The following KLC1 variants were observed in gnomAD, a reference collection of about 807,000 sequenced individuals.
KLC1 encodes kinesin 2 60/70kDa.
KLC1 carries 30 observed loss-of-function variants against 84.2 expected under a neutral mutation model. That is an observed-to-expected ratio of 0.36 (90% CI 0.27 to 0.48). KLC1 has a LOEUF of 0.48. KLC1 is among the 20% of genes least tolerant of loss of function. The pLI is 0.99. For missense variants in KLC1, 499 were observed against 805.4 expected (o/e 0.62, Z 4.60); for synonymous variants, 289 against 293.3 (o/e 0.99, Z 0.15).
intron 14 of KLC1, among the ~76,000 whole-genome samples, chr14:103,690,478 T>C (rs559514681): frequency 2.3e-4 from 35 of 152,350 alleles, no homozygotes; most frequent in Non-Finnish European, 4.6e-4. Flanking sequence ...CCAGGCGCTG[T>C]GCTCACAGCA....
chr14:103,677,550 G>T (rs1161496376), intron 12 of KLC1, 27 bp downstream of exon 12: 1 of 1,372,284 alleles, frequency 7.3e-7, no homozygotes, highest in African/African-American at 1.4e-5. Context: ...TCCTTAACCG[G>T]CCCATGGGAA....
At chr14:103,699,111 C>T in intron 15 of KLC1, 3 of 1,571,358 alleles carry the variant, frequency 1.9e-6, no homozygotes, top group African/African-American at 2.7e-5. Context: ...CAGAGGTGCA[C>T]ACACCACATG....
chr14:103,630,043 G>A (rs1290939722), intron 1 of KLC1, among the ~76,000 whole-genome samples: 3 of 152,226 alleles, frequency 2.0e-5, no homozygotes, highest in Admixed American at 1.3e-4. Context: ...TCTCGCGGGC[G>A]GCGGGGGGCC....
Position 103,694,540 on chromosome 14 carries a change from A to G in KLC1, c.1848+2115A>G. On this transcript the variant is annotated intron_variant, in intron 15 of 16. Coordinates refer to ENST00000334553, the MANE Select transcript of KLC1 (RefSeq NM_001394837.1). The surrounding 1 kb of genome is among the most constrained non-coding windows in gnomAD (Gnocchi z 4.5). ...CTTTTCAAATCAATGCTGAGGCTGTATTTCTTAGCCGTCCACAAACTAGTC... is the reference window on the plus strand; with the variant it reads ...CTTTTCAAATCAATGCTGAGGCTGTGTTTCTTAGCCGTCCACAAACTAGTC... The G allele has an allele frequency of 2.0e-6, 2 of 985,460 alleles. No homozygotes were observed. Among genetic ancestry groups the G allele is most frequent in the Non-Finnish European group, 2.4e-6 (2 of 829,954 alleles). The allele number at this position is 985,460 out of a possible 1,614,324, so 61.0% of individuals were successfully genotyped here.
chr14:103,672,351 T>C (rs1158782409), intron 7 of KLC1, among the ~76,000 whole-genome samples: 1 of 152,180 alleles, frequency 6.6e-6, no homozygotes, highest in Non-Finnish European at 1.5e-5. Context: ...CATTCATCTA[T>C]CTCTGTGCCA....
chr14:103,636,041 A>T (rs980102395), intron 1 of KLC1, among the ~76,000 whole-genome samples: 1 of 152,092 alleles, frequency 6.6e-6, no homozygotes, highest in Non-Finnish European at 1.5e-5. Flanking sequence ...TTAACCATTT[A>T]AAAGTTCACA....
chr14:103,648,212 G>A (rs1263424850), intron 1 of KLC1, among the ~76,000 whole-genome samples: 2 of 152,152 alleles, frequency 1.3e-5, no homozygotes, highest in African/African-American at 4.8e-5. Context: ...GCCTCCCAAA[G>A]TGCTGGGATT....
intron 14 of KLC1, chr14:103,688,140 T>C (rs2081896427): frequency 6.6e-6 from 1 of 152,264 alleles, no homozygotes; most frequent in South Asian, 2.1e-4. Context: ...AGTTGTTTCG[T>C]TACTCTGTCT....
In KLC1 at chr14:103,693,977, T is replaced by C; in HGVS notation, c.1848+1552T>C. ...TTTGCCATGACACCAGACTCTCTTT[T>C]AAATTGTAATATTGTAATAAGGCTG... is the stretch of plus-strand genomic sequence containing the variant. On this transcript the variant is annotated intron_variant, in intron 15 of 16. Transcript: ENST00000334553. This position sits in a 1 kb window ranked among gnomAD's most constrained non-coding sequence, Gnocchi z 5.1. The C allele has an allele frequency of 8.9e-7, 1 of 1,127,706 alleles. No homozygotes were observed. The highest frequency in any genetic ancestry group is 1.1e-6 in the Non-Finnish European group (1 of 918,698). The allele number at this position is 1,127,706 out of a possible 1,614,324, so 69.9% of individuals were successfully genotyped here.
At chr14:103,648,540 T>C (rs564727305) in intron 1 of KLC1, among the ~76,000 whole-genome samples, 4 of 152,166 alleles carry the variant, frequency 2.6e-5, no homozygotes, top group African/African-American at 4.8e-5. Context: ...CGCAGCACTT[T>C]CGGAGGGTGA....
chr14:103,665,879 G>T (rs977234896), intron 5 of KLC1, among the ~76,000 whole-genome samples: 4 of 152,180 alleles, frequency 2.6e-5, no homozygotes, highest in African/African-American at 9.6e-5. Context: ...CCCTGGAGGT[G>T]GGGGGCTCTA....
chr14:103,691,601 T>G (rs1595573856), intron 14 of KLC1, among the ~76,000 whole-genome samples: 1 of 151,094 alleles, frequency 6.6e-6, no homozygotes, highest in South Asian at 2.1e-4. Context: ...CCCAAGTAGC[T>G]GGAATTACAG....
chr14:103,699,698 C>T (rs1164903620), intron 15 of KLC1: 1 of 908,914 alleles, frequency 1.1e-6, no homozygotes, highest in Non-Finnish European at 1.8e-6. Context: ...GCTCACAGTG[C>T]CCATACTCTG....
At chr14:103,666,271 G>T (rs766233652) in intron 5 of KLC1, among the ~76,000 whole-genome samples, 1 of 151,942 alleles carries the variant, frequency 6.6e-6, no homozygotes, top group Non-Finnish European at 1.5e-5. Flanking sequence ...CACCATGTTA[G>T]CCAGGATGGT....
At chr14:103,651,612 C>CTT (rs1224233063) in intron 1 of KLC1, among the ~76,000 whole-genome samples, 2 of 152,110 alleles carry the variant, frequency 1.3e-5, no homozygotes, top group Non-Finnish European at 1.5e-5. Flanking sequence ...GGCACGTGTA[C>CTT]TTAACATCTA....
intron 14 of KLC1, among the ~76,000 whole-genome samples, chr14:103,688,931 A>G (rs553951258): frequency 6.6e-6 from 1 of 152,306 alleles, no homozygotes; most frequent in Admixed American, 6.5e-5. Flanking sequence ...TGGAATAGTG[A>G]TCTTATTTTA....
intron 11 of KLC1, 46 bp downstream of exon 11, chr14:103,675,802 G>T (rs762258580): frequency 3.3e-6 from 5 of 1,507,128 alleles, no homozygotes; most frequent in Non-Finnish European, 4.6e-6. Context: ...AAAGCAGGGG[G>T]AAGGTAATTG....
At chr14:103,667,726 A>G (rs1053098999) in intron 5 of KLC1, among the ~76,000 whole-genome samples, 1 of 152,254 alleles carries the variant, frequency 6.6e-6, no homozygotes, top group African/African-American at 2.4e-5. Flanking sequence ...GAAAGAAGAA[A>G]CAACAATATA....
intron 15 of KLC1, chr14:103,698,711 G>T: frequency 1.6e-6 from 2 of 1,259,740 alleles, no homozygotes; most frequent in South Asian, 1.3e-5. Flanking sequence ...TCCCAGCTGT[G>T]CCACGGCCCA....
Sources: allele counts gnomAD v4.1 joint callset (sites outside exome capture counted in the v4.1 genomes callset), GRCh38; gene constraint gnomAD v4.1.1; non-coding constraint Gnocchi (gnomAD v3.1); transcripts MANE v1.5; gene names NCBI Gene and HGNC (gene_info 2026-07-23, HGNC 2026-07-21).